SBF2: variants seen among roughly 807,000 people sequenced by gnomAD.
SBF2 encodes myotubularin-related protein 13.
SBF2 carries 112 observed loss-of-function variants against 225.2 expected under a neutral mutation model. That is an observed-to-expected ratio of 0.50 (90% CI 0.43 to 0.58). The LOEUF is 0.58. Ranked by LOEUF, SBF2 falls within the 20% of genes least tolerant of loss-of-function variation. The pLI is 0.00. For missense variants in SBF2, 1,996 were observed against 2,206.2 expected, an observed-to-expected ratio of 0.90 and a Z score of 1.91; for synonymous variants, 763 against 773.3, an observed-to-expected ratio of 0.99 and a Z score of 0.22.
chr11:10,086,951 G>C (rs1590926671), intron 2 of SBF2, among the ~76,000 whole-genome samples: 1 of 152,172 alleles, frequency 6.6e-6, no homozygotes, highest in African/African-American at 2.4e-5. Context: ...TTGAGGAAAT[G>C]AGTGAAAACT....
intron 7 of SBF2, among the ~76,000 whole-genome samples, chr11:10,001,556 A>G (rs943243913): frequency 4.6e-5 from 7 of 151,496 alleles, no homozygotes; most frequent in Non-Finnish European, 2.9e-5. Context: ...ATGGAGTCTC[A>G]CGCTGTCGCC....
chr11:10,169,777 A>G (rs947755566), intron 2 of SBF2, among the ~76,000 whole-genome samples: 3 of 152,172 alleles, frequency 2.0e-5, no homozygotes, highest in African/African-American at 7.2e-5. Flanking sequence ...TAGTGGCTTT[A>G]GCAATTTACA....
rs547360846 is a variant in SBF2, at chr11:10,123,123, C to T, written c.141+70779G>A. ...CCTGGCTCAACTATAGAAAACCCTT[C>T]TGATTTTCCCTACTGAAGGAAACAT... is the stretch of plus-strand genomic sequence containing the variant. On this transcript the variant is annotated intron_variant, in intron 2 of 39. Transcript: ENST00000256190. Among the ~76,000 whole-genome samples the T allele has an allele frequency of 2.0e-5, 3 of 152,254 alleles. No homozygotes were observed. In the East Asian group the frequency reaches 5.8e-4, roughly 29 times the overall value.
intron 2 of SBF2, among the ~76,000 whole-genome samples, chr11:10,096,997 T>A (rs917829995): frequency 1.1e-4 from 17 of 152,192 alleles, no homozygotes; most frequent in African/African-American, 4.1e-4. Flanking sequence ...AACCTACTAT[T>A]CTCATTGCTA....
intron 1 of SBF2, among the ~76,000 whole-genome samples, chr11:10,260,593 G>A (rs916555955): frequency 6.6e-6 from 1 of 151,092 alleles, no homozygotes; most frequent in Non-Finnish European, 1.5e-5. Flanking sequence ...GCGGGCACCT[G>A]TAGTCCCAGC....
intron 2 of SBF2, among the ~76,000 whole-genome samples, chr11:10,186,092 ATATTAGAAATTTAG>A (rs1437340777): frequency 6.6e-6 from 1 of 152,196 alleles, no homozygotes; most frequent in Non-Finnish European, 1.5e-5. Context: ...AACTTACCTC[ATATTAGAAATTTAG>A]TATTAGAAAA....
chr11:10,130,448 T>A (rs1309233050), intron 2 of SBF2, among the ~76,000 whole-genome samples: 2 of 152,136 alleles, frequency 1.3e-5, no homozygotes. Context: ...TTTAAAATTA[T>A]AGAAATTCAT....
At chr11:9,846,818 A>C (rs1381798975) in intron 23 of SBF2, 138 bp downstream of exon 23, 1 of 953,758 alleles carries the variant, frequency 1.0e-6, no homozygotes, top group Non-Finnish European at 1.7e-6. Flanking sequence ...TCAGCTGATG[A>C]CTACCCTCTC....
At chr11:9,990,148 G>A (rs1947360049) in intron 12 of SBF2, among the ~76,000 whole-genome samples, 1 of 151,914 alleles carries the variant, frequency 6.6e-6, no homozygotes, top group Admixed American at 6.6e-5. Flanking sequence ...TGTATACTTA[G>A]GGGTAAAGAA....
intron 1 of SBF2, among the ~76,000 whole-genome samples, chr11:10,208,016 A>G (rs1323854719): frequency 1.3e-5 from 2 of 152,152 alleles, no homozygotes; most frequent in Non-Finnish European, 1.5e-5. Flanking sequence ...TTGATAAACT[A>G]ATCTAAGAAA....
At chr11:10,150,906 G>A (rs529175575) in intron 2 of SBF2, among the ~76,000 whole-genome samples, 9 of 152,148 alleles carry the variant, frequency 5.9e-5, no homozygotes, top group Admixed American at 2.0e-4. Flanking sequence ...AAGGATAAAC[G>A]TAGAACTGGA....
At chr11:10,206,711 G>A (rs1350500804) in intron 1 of SBF2, among the ~76,000 whole-genome samples, 1 of 152,094 alleles carries the variant, frequency 6.6e-6, no homozygotes, top group Non-Finnish European at 1.5e-5. Flanking sequence ...AAATCTCACT[G>A]GATGGTTTCA....
At chr11:10,179,379 C>CA (rs1317679323) in intron 2 of SBF2, among the ~76,000 whole-genome samples, 14 of 117,884 alleles carry the variant, frequency 1.2e-4, no homozygotes, top group Admixed American at 2.5e-4. Flanking sequence ...AAAACAAAAA[C>CA]AAAAAAACAA....
intron 1 of SBF2, among the ~76,000 whole-genome samples, chr11:10,225,089 A>G (rs989420903): frequency 6.6e-6 from 1 of 152,146 alleles, no homozygotes; most frequent in African/African-American, 2.4e-5. Flanking sequence ...CTCATAGTGT[A>G]TTTTTATTAA....
In SBF2 at chr11:10,304,464, G is replaced by A. The variant is rs182983781; in HGVS notation, n.386+28C>T. ...TCCCAATTCTCAATTTAGCTTTTCT[G>A]AGCCTTGTCCCTACCGTGAAATCTT... On this transcript the variant is annotated intron_variant and non_coding_transcript_variant, in intron 1 of 5. Transcript: ENST00000685217. Among the ~76,000 whole-genome samples the A allele has an allele frequency of 6.1e-4, 93 of 152,306 alleles. 1 individual carries two copies. The highest frequency in any genetic ancestry group is 1.9e-3 in the African/African-American group (77 of 41,564).
At position 10,229,672 on chromosome 11, in the gene SBF2, G is replaced by C. The variant is rs577469452; in HGVS notation, c.56-35685C>G. On this transcript the variant is annotated intron_variant, in intron 1 of 39. Coordinates refer to ENST00000256190, the MANE Select transcript of SBF2 (RefSeq NM_030962.4). The stretch of plus-strand genomic sequence containing the variant: ...TTCTAGTTTGATTGCACTGTGGTCT[G>C]AGAGATAGTTTCTGATAATTTCTGT... Among the ~76,000 whole-genome samples, 3 of 152,312 alleles carry C rather than the reference G, an allele frequency of 2.0e-5. No individual in the cohort carries two copies. In the East Asian group the frequency reaches 5.8e-4, roughly 29 times the overall value.
At chr11:10,292,253 C>T (rs1964203754) in intron 1 of SBF2, among the ~76,000 whole-genome samples, 2 of 152,314 alleles carry the variant, frequency 1.3e-5, no homozygotes, top group South Asian at 4.1e-4. Context: ...GGAGAACATT[C>T]TTGTTTGCAG....
rs1862800488 is a variant in SBF2 at position 9,913,291 on chromosome 11, T to C, written c.1861-17280A>G. Reference sequence around the variant, plus strand: ...CTCTGTCTCAAACAAACAAACAAAATGAGAAAACTAGAATGTCCAAGAGAC... The same window carrying C: ...CTCTGTCTCAAACAAACAAACAAAACGAGAAAACTAGAATGTCCAAGAGAC... On this transcript the variant is annotated intron_variant, in intron 16 of 39. Coordinates refer to ENST00000256190, the MANE Select transcript of SBF2 (RefSeq NM_030962.4). Among the ~76,000 whole-genome samples, 4 of 152,074 alleles carry C rather than the reference T, an allele frequency of 2.6e-5. No individual in the cohort carries two copies. In the South Asian group the frequency reaches 6.2e-4, roughly 24 times the overall value.
At chr11:10,289,729 C>A (rs967565166) in intron 1 of SBF2, among the ~76,000 whole-genome samples, 1 of 152,128 alleles carries the variant, frequency 6.6e-6, no homozygotes, top group Non-Finnish European at 1.5e-5. Flanking sequence ...GGTGTGGTGA[C>A]CACGCTGCTG....
Sources: allele counts gnomAD v4.1 joint callset (sites outside exome capture counted in the v4.1 genomes callset), GRCh38; gene constraint gnomAD v4.1.1; transcripts MANE v1.5; gene names NCBI Gene and HGNC (gene_info 2026-07-23, HGNC 2026-07-21).